Variants in KPNA1 observed in about 807,000 individuals in gnomAD.
The protein encoded by KPNA1 is karyopherin subunit alpha 1.
A neutral mutation model predicts 70.5 loss-of-function variants in KPNA1; 10 were observed. The observed-to-expected ratio is 0.14, with a 90% CI of 0.09 to 0.24. The LOEUF is 0.24. KPNA1 is among the 10% of genes least tolerant of loss of function. The pLI, the probability that KPNA1 is intolerant of heterozygous loss-of-function variation, is 1.00. For missense variants in KPNA1, 397 were observed against 637.9 expected (o/e 0.62, Z 4.07); for synonymous variants, 192 against 221.9 (o/e 0.87, Z 1.20).
intron 11 of KPNA1, 63 bp downstream of exon 11, chr3:122,437,107 T>C: frequency 6.4e-7 from 1 of 1,555,084 alleles, no homozygotes; most frequent in African/African-American, 1.4e-5. Flanking sequence ...AAAGGGTGAC[T>C]GAGAAAAAAA....
chr3:122,457,908 T>G, intron 5 of KPNA1: 1 of 1,267,802 alleles, frequency 7.9e-7, no homozygotes, highest in South Asian at 1.3e-5. Flanking sequence ...TAGCAAACTC[T>G]GCAGAGAACA....
intron 2 of KPNA1, among the ~76,000 whole-genome samples, chr3:122,481,521 G>A (rs1309357440): frequency 6.6e-6 from 1 of 152,240 alleles, no homozygotes; most frequent in Non-Finnish European, 1.5e-5. Flanking sequence ...CCTAAGCGGG[G>A]AGCAGAGGGA....
chr3:122,496,351 C>CA, intron 2 of KPNA1, 86 bp downstream of exon 2: 3 of 1,279,674 alleles, frequency 2.3e-6, no homozygotes, highest in Non-Finnish European at 3.3e-6. Flanking sequence ...CACACACACC[C>CA]CAACTTTGCT....
intron 2 of KPNA1, among the ~76,000 whole-genome samples, chr3:122,491,849 CATTTTT>C (rs2076702453): frequency 8.4e-6 from 1 of 119,142 alleles, no homozygotes; most frequent in Non-Finnish European, 1.7e-5. Context: ...TTGACCATCA[CATTTTT>C]TTTTTTTTTT....
chr3:122,460,153 C>T, intron 5 of KPNA1: 1 of 985,284 alleles, frequency 1.0e-6, no homozygotes, highest in Non-Finnish European at 1.2e-6. Context: ...TTAGATCCTA[C>T]AGGTGAGAAT....
At chr3:122,480,914 G>C (rs2076563869) in intron 2 of KPNA1, among the ~76,000 whole-genome samples, 1 of 152,082 alleles carries the variant, frequency 6.6e-6, no homozygotes. Flanking sequence ...ACTTGACCCT[G>C]GGAGCTCAAA....
chr3:122,437,147 G>GAAGTT, intron 11 of KPNA1, 23 bp downstream of exon 11: 2 of 1,593,418 alleles, frequency 1.3e-6, no homozygotes, highest in Non-Finnish European at 1.7e-6. Flanking sequence ...TACTGAAAGA[G>GAAGTT]AAGTTAGGTC....
At chr3:122,500,499 ATT>A (rs535758181) in intron 1 of KPNA1, among the ~76,000 whole-genome samples, 1 of 144,560 alleles carries the variant, frequency 6.9e-6, no homozygotes, top group African/African-American at 2.6e-5. Flanking sequence ...TTCATTTCTA[ATT>A]TTTTTTTTCC....
intron 9 of KPNA1, among the ~76,000 whole-genome samples, chr3:122,442,552 A>G (rs2076078489): frequency 6.6e-6 from 1 of 152,200 alleles, no homozygotes; most frequent in Admixed American, 6.5e-5. Context: ...ACTAACTTGA[A>G]AATGCAAGTC....
At chr3:122,434,996 C>T (rs946029990) in intron 11 of KPNA1, among the ~76,000 whole-genome samples, 3 of 152,184 alleles carry the variant, frequency 2.0e-5, no homozygotes, top group African/African-American at 4.8e-5. Flanking sequence ...CTGTGAAGGA[C>T]GTCAACAAAG....
chr3:122,467,122 G>A (rs1218049901), intron 3 of KPNA1, among the ~76,000 whole-genome samples, 200 bp downstream of exon 3: 1 of 152,048 alleles, frequency 6.6e-6, no homozygotes, highest in East Asian at 1.9e-4. Flanking sequence ...AGTTTTTAGA[G>A]CAGAATTAAT....
At chr3:122,477,536 C>T (rs932597057) in intron 2 of KPNA1, among the ~76,000 whole-genome samples, 1 of 151,884 alleles carries the variant, frequency 6.6e-6, no homozygotes, top group African/African-American at 2.4e-5. Flanking sequence ...CCTGCCTCTA[C>T]AAAAAAGCAA....
intron 1 of KPNA1, among the ~76,000 whole-genome samples, chr3:122,502,377 A>G (rs1055897904): frequency 2.6e-5 from 4 of 152,212 alleles, no homozygotes; most frequent in Admixed American, 1.3e-4. Flanking sequence ...TCCCACCCTG[A>G]TAAGACTGGT....
At chr3:122,492,348 ATCAT>A in intron 2 of KPNA1, among the ~76,000 whole-genome samples, 1 of 152,206 alleles carries the variant, frequency 6.6e-6, no homozygotes, top group Non-Finnish European at 1.5e-5. Context: ...TCTTGGCCAA[ATCAT>A]TCAAACTCAA....
intron 12 of KPNA1, among the ~76,000 whole-genome samples, chr3:122,428,386 T>C (rs962217539): frequency 2.0e-5 from 3 of 152,202 alleles, no homozygotes; most frequent in African/African-American, 7.2e-5. Flanking sequence ...GAATGTTTGG[T>C]AAGGTCATTT....
Position 122,453,892 on chromosome 3 carries a change from T to A in KPNA1, c.542A>T (p.Glu181Val). 6.2e-7 allele frequency: 1 copy of A among 1,609,222 alleles called. No individual in the cohort carries two copies. The highest frequency in any genetic ancestry group is 8.5e-7 in the Non-Finnish European group (1 of 1,178,180). The change falls in exon 6 of 14, where the codon GAG (glutamate) becomes GTG (valine). Residue 181 changes from glutamate to valine, a missense_variant. Glu to Val is a moderately radical substitution (Grantham distance 121). Coordinates refer to ENST00000344337, the MANE Select transcript of KPNA1 (RefSeq NM_002264.4). ...VPIFIELLSS[E>V]FEDVQEQAVW... Reference sequence around the variant, plus strand: ...TACCTGTTCCTGGACATCTTCAAACTCTGAGCTGAGCAACTCTATGAAGAT... The same window carrying A: ...TACCTGTTCCTGGACATCTTCAAACACTGAGCTGAGCAACTCTATGAAGAT...
At chr3:122,464,678 C>T (rs1320844192) in intron 3 of KPNA1, among the ~76,000 whole-genome samples, 1 of 152,224 alleles carries the variant, frequency 6.6e-6, no homozygotes, top group Non-Finnish European at 1.5e-5. Context: ...TAAAACTTTC[C>T]AGTTTCCCAC....
At chr3:122,514,577 C>T (rs1406365354) in intron 1 of KPNA1, 180 bp downstream of exon 1, 1 of 152,156 alleles carries the variant, frequency 6.6e-6, no homozygotes, top group African/African-American at 2.4e-5. Context: ...GCCTTGTGGC[C>T]GTTAGGACAG....
chr3:122,512,826 GCCCTACAGGACTGTAAAC>G (rs1008320278), intron 1 of KPNA1, among the ~76,000 whole-genome samples: 3 of 152,202 alleles, frequency 2.0e-5, no homozygotes, highest in African/African-American at 7.2e-5. Flanking sequence ...ATGTTTTGTT[GCCCTACAGGACTGTAAAC>G]TCCTCAAGGC....
Sources: allele counts gnomAD v4.1 joint callset (sites outside exome capture counted in the v4.1 genomes callset), GRCh38; gene constraint gnomAD v4.1.1; transcripts MANE v1.5; gene names NCBI Gene and HGNC (gene_info 2026-07-23, HGNC 2026-07-21).